The following HIVEP2 variants were observed in gnomAD, a reference collection of about 807,000 sequenced individuals.
HIVEP2 encodes HIVEP zinc finger 2, also known as transcription factor HIVEP2.
HIVEP2 carries 14 observed loss-of-function variants against 180.7 expected under a neutral mutation model. The observed-to-expected ratio is 0.08, with a 90% CI of 0.05 to 0.12. The LOEUF (loss-of-function observed/expected upper bound fraction) is 0.12. Among genes scored for constraint, HIVEP2 ranks in the 10% least tolerant of loss-of-function variants. The probability of loss-of-function intolerance (pLI) is 1.00; values close to 1 mark genes in which losing one functional copy is unlikely to be tolerated. For missense variants in HIVEP2, 2,579 were observed against 3,008.5 expected, an observed-to-expected ratio of 0.86 and a Z score of 3.34; for synonymous variants, 1,184 against 1,136.4, an observed-to-expected ratio of 1.04 and a Z score of -0.84.
chr6:142,945,076 G>A lies in HIVEP2; in HGVS notation c.-641+23C>T, dbSNP rs1161681584. 1 of 146,442 alleles carries A rather than the reference G, an allele frequency of 6.8e-6. No individual in the cohort carries two copies. Among genetic ancestry groups the A allele is most frequent in the Non-Finnish European group, 1.5e-5 (1 of 65,924 alleles). 9.1% of individuals were successfully genotyped at this position (146,442 alleles called of 1,614,324 possible). A position where few individuals can be genotyped will look rare whatever the true frequency, so the allele number is the denominator to read the frequency against. On this transcript the variant is annotated intron_variant, in intron 1 of 9. Transcript: ENST00000367603. The surrounding 1 kb of genome is among the most constrained non-coding windows in gnomAD (Gnocchi z 5.5). ...GCCCGCCCGGCCGCCTGCGCCGCGC[G>A]CCGCGGCCCCCTCCCCCGCTACCTG...
At chr6:142,849,953 C>T (rs555307960) in intron 1 of HIVEP2, among the ~76,000 whole-genome samples, 1 of 152,328 alleles carries the variant, frequency 6.6e-6, no homozygotes, top group Non-Finnish European at 1.5e-5. Flanking sequence ...GCCACAGCAT[C>T]ACAGAACCAA....
intron 1 of HIVEP2, among the ~76,000 whole-genome samples, chr6:142,903,001 C>A (rs1441326838): frequency 6.6e-6 from 1 of 152,178 alleles, no homozygotes; most frequent in African/African-American, 2.4e-5. Context: ...CTTTGGAACT[C>A]CTAACAGTGT....
At chr6:142,876,737 C>T (rs62432362) in intron 1 of HIVEP2, among the ~76,000 whole-genome samples, 26,757 of 152,066 alleles carry the variant, frequency 0.18, 2,524 homozygotes, top group South Asian at 0.2. Context: ...AAAAATAAGA[C>T]ATAGGTCAGG....
intron 1 of HIVEP2, among the ~76,000 whole-genome samples, chr6:142,862,910 T>G (rs1776037172): frequency 7.3e-6 from 1 of 136,558 alleles, no homozygotes; most frequent in Admixed American, 7.6e-5. Context: ...ATTATATGTA[T>G]TATATAAAAT....
chr6:142,776,884 A>G (rs1249648115), intron 3 of HIVEP2, among the ~76,000 whole-genome samples: 1 of 152,176 alleles, frequency 6.6e-6, no homozygotes, highest in Non-Finnish European at 1.5e-5. Context: ...TGTTTAAAAG[A>G]ATAAATTTCC....
intron 2 of HIVEP2, among the ~76,000 whole-genome samples, chr6:142,811,712 C>T (rs1776703314): frequency 6.6e-6 from 1 of 152,176 alleles, no homozygotes; most frequent in Non-Finnish European, 1.5e-5. Flanking sequence ...TTTCACAGAC[C>T]TCACCCCCCA....
At chr6:142,791,448 CTG>C (rs1244066995) in intron 2 of HIVEP2, among the ~76,000 whole-genome samples, 2 of 152,128 alleles carry the variant, frequency 1.3e-5, no homozygotes, top group African/African-American at 4.8e-5. Flanking sequence ...TTTTGACAAA[CTG>C]TGAATGGCAT....
intron 2 of HIVEP2, among the ~76,000 whole-genome samples, chr6:142,806,087 C>T (rs1264212434): frequency 6.6e-6 from 1 of 152,158 alleles, no homozygotes; most frequent in Non-Finnish European, 1.5e-5. Flanking sequence ...ATACCAATAC[C>T]TGTACTGAGT....
chr6:142,765,640 A>G (rs1317641069), intron 6 of HIVEP2, among the ~76,000 whole-genome samples: 4 of 152,242 alleles, frequency 2.6e-5, no homozygotes, highest in Non-Finnish European at 5.9e-5. Context: ...AGGTAGTTAC[A>G]TAATGAAAAC....
intron 2 of HIVEP2, among the ~76,000 whole-genome samples, chr6:142,808,032 T>C (rs1280950472): frequency 6.6e-6 from 1 of 152,178 alleles, no homozygotes; most frequent in African/African-American, 2.4e-5. Flanking sequence ...TCCATGTCTA[T>C]CACTTAGGGC....
chr6:142,820,560 C>T (rs770428883), intron 2 of HIVEP2, among the ~76,000 whole-genome samples: 11 of 152,166 alleles, frequency 7.2e-5, no homozygotes, highest in African/African-American at 1.2e-4. Context: ...TTTAAACAGA[C>T]GTTCATGAAT....
intron 1 of HIVEP2, among the ~76,000 whole-genome samples, chr6:142,901,300 C>T (rs1777127653): frequency 6.6e-6 from 1 of 152,110 alleles, no homozygotes; most frequent in Admixed American, 6.6e-5. Flanking sequence ...CTGTGAAACA[C>T]ATAAAACGTC....
chr6:142,804,718 G>T lies in HIVEP2; in HGVS notation c.-527-21103C>A, dbSNP rs1260027591. 1.7e-4 allele frequency among the ~76,000 whole-genome samples: 25 copies of T among 151,316 alleles called. 1 individual carries two copies. Among genetic ancestry groups the T allele is most frequent in the Admixed American group, 1.6e-3 (24 of 15,182 alleles). ...GGGGTGTAGATACTCTAGCTTATTA[G>T]TCAAATAAGGACTCTATAGTCATAA... On this transcript the variant is annotated intron_variant, in intron 2 of 9. Coordinates refer to ENST00000367603, the MANE Select transcript of HIVEP2 (RefSeq NM_006734.4).
At chr6:142,755,943 T>C (rs528494590) in intron 9 of HIVEP2, among the ~76,000 whole-genome samples, 2 of 152,356 alleles carry the variant, frequency 1.3e-5, no homozygotes, top group South Asian at 2.1e-4. Context: ...TTCTCTACTT[T>C]GGTTTTTACT....
Position 142,751,810 on chromosome 6 carries a change from T to C in HIVEP2, c.*1297A>G, listed in dbSNP as rs1251714605. 1.3e-5 allele frequency: 2 copies of C among 151,484 alleles called. No homozygotes were observed. The highest frequency in any genetic ancestry group is 1.3e-4 in the Admixed American group (2 of 15,270). 9.4% of individuals were successfully genotyped at this position (151,484 alleles called of 1,614,324 possible). A position where few individuals can be genotyped will look rare whatever the true frequency, so the allele number is the denominator to read the frequency against. On this transcript the variant is annotated 3_prime_UTR_variant, in exon 10 of 10. Coordinates refer to ENST00000367603, the MANE Select transcript of HIVEP2 (RefSeq NM_006734.4). ...CCAGGAGTGTGACACTCTTCCCCTA[T>C]GAAAAAGGGTAAGGTGACCTCCCCT...
chr6:142,761,845 C>A (rs1775247695), intron 7 of HIVEP2, among the ~76,000 whole-genome samples: 1 of 152,126 alleles, frequency 6.6e-6, no homozygotes, highest in Admixed American at 6.5e-5. Flanking sequence ...AGGCTCAAAG[C>A]AAGACTAGAA....
At chr6:142,920,951 C>G (rs1191825809) in intron 1 of HIVEP2, among the ~76,000 whole-genome samples, 1 of 152,116 alleles carries the variant, frequency 6.6e-6, no homozygotes, top group Non-Finnish European at 1.5e-5. Context: ...CCACTGCAAT[C>G]CACAGTGAGT....
chr6:142,766,693 A>G (rs138288768), intron 6 of HIVEP2, among the ~76,000 whole-genome samples: 444 of 152,302 alleles, frequency 2.9e-3, no homozygotes, highest in African/African-American at 0.01. Context: ...ATAATGATGT[A>G]TTAGAGAAAC....
chr6:142,926,895 T>C (rs1254877409), intron 1 of HIVEP2, among the ~76,000 whole-genome samples: 1 of 151,758 alleles, frequency 6.6e-6, no homozygotes, highest in Admixed American at 6.6e-5. Context: ...GCCGAGAGCA[T>C]TTCCTGTTGT....
Sources: allele counts gnomAD v4.1 joint callset (sites outside exome capture counted in the v4.1 genomes callset), GRCh38; gene constraint gnomAD v4.1.1; non-coding constraint Gnocchi (gnomAD v3.1); transcripts MANE v1.5; gene names NCBI Gene and HGNC (gene_info 2026-07-23, HGNC 2026-07-21).